Variants in HYCC2 observed in about 807,000 individuals in gnomAD.
HYCC2 encodes the protein hyccin PI4KA lipid kinase complex subunit 2.
the HYCC2 span, among the ~76,000 whole-genome samples, chr2:201,034,836 T>C: frequency 1.3e-5 from 2 of 152,092 alleles, no homozygotes; most frequent in African/African-American, 2.4e-5. Context: ...CGCTTGTCTG[T>C]ATTTTATTTC....
the HYCC2 span, among the ~76,000 whole-genome samples, chr2:201,005,704 C>T: frequency 6.6e-6 from 1 of 152,170 alleles, no homozygotes; most frequent in Non-Finnish European, 1.5e-5. Context: ...GCCAGTTTTG[C>T]TGCCAGAAAT....
chr2:201,039,029 T>A, the HYCC2 span, among the ~76,000 whole-genome samples: 1 of 152,058 alleles, frequency 6.6e-6, no homozygotes, highest in Non-Finnish European at 1.5e-5. Context: ...CCACCTTTGG[T>A]CTTTGTACCT....
At chr2:201,052,610 GAAAAAGA>G in the HYCC2 span, among the ~76,000 whole-genome samples, 1 of 151,724 alleles carries the variant, frequency 6.6e-6, no homozygotes, top group Non-Finnish European at 1.5e-5. Flanking sequence ...TGTCTCAAAA[GAAAAAGA>G]AAAAAGAAAG....
At chr2:201,055,799 G>GC in the HYCC2 span, among the ~76,000 whole-genome samples, 365 of 152,260 alleles carry the variant, frequency 2.4e-3, no homozygotes, top group Middle Eastern at 0.024. Context: ...AGTGGCTTAT[G>GC]CCTGTAATCC....
chr2:201,039,579 G>A, the HYCC2 span, among the ~76,000 whole-genome samples: 8 of 151,862 alleles, frequency 5.3e-5, no homozygotes, highest in East Asian at 5.8e-4. Context: ...TCTTTTTTTC[G>A]GTCAGGCAAT....
chr2:201,060,640 G>A, the HYCC2 span, among the ~76,000 whole-genome samples: 6 of 152,176 alleles, frequency 3.9e-5, no homozygotes, highest in South Asian at 2.1e-4. Context: ...GATCTCCTAC[G>A]TCTGAATTTT....
chr2:201,003,979 A>G, the HYCC2 span, among the ~76,000 whole-genome samples: 4 of 151,164 alleles, frequency 2.6e-5, no homozygotes, highest in Admixed American at 2.6e-4. Context: ...ACGCCCAACT[A>G]ATTTTTTGTA....
the HYCC2 span, among the ~76,000 whole-genome samples, chr2:201,062,923 T>C: frequency 6.6e-6 from 1 of 150,788 alleles, no homozygotes; most frequent in African/African-American, 2.4e-5. Flanking sequence ...AGAGGCCTAC[T>C]GAGAGGTTAG....
chr2:201,003,208 A>C, the HYCC2 span, among the ~76,000 whole-genome samples: 1 of 152,130 alleles, frequency 6.6e-6, no homozygotes, highest in Non-Finnish European at 1.5e-5. Flanking sequence ...GACCATAGGC[A>C]TGTATCACCA....
chr2:201,052,444 A>C, the HYCC2 span, among the ~76,000 whole-genome samples: 2 of 152,066 alleles, frequency 1.3e-5, no homozygotes, highest in African/African-American at 4.8e-5. Flanking sequence ...GTCTCTGCAA[A>C]AAAAATTTTA....
At chr2:201,056,291 T>G in the HYCC2 span, among the ~76,000 whole-genome samples, 1 of 152,254 alleles carries the variant, frequency 6.6e-6, no homozygotes, top group African/African-American at 2.4e-5. Context: ...AGTGTGATGC[T>G]CTGCCCATTT....
At chr2:200,989,067 G>A in the HYCC2 span, among the ~76,000 whole-genome samples, 1 of 152,204 alleles carries the variant, frequency 6.6e-6, no homozygotes, top group Non-Finnish European at 1.5e-5. Flanking sequence ...AGATGTGAAG[G>A]AAAGTTGAGT....
the HYCC2 span, chr2:201,009,326 A>C: frequency 1.4e-4 from 49 of 352,556 alleles, no homozygotes. Flanking sequence ...TCATGTAATA[A>C]ATCTATATTT....
At chr2:201,014,393 C>G in the HYCC2 span, among the ~76,000 whole-genome samples, 1 of 152,004 alleles carries the variant, frequency 6.6e-6, no homozygotes, top group Non-Finnish European at 1.5e-5. Context: ...GAATTTTATT[C>G]CTAGATCAAT....
the HYCC2 span, among the ~76,000 whole-genome samples, chr2:201,047,718 GAGTTGCTCTTCAAAAA>G: frequency 6.6e-6 from 1 of 150,604 alleles, no homozygotes; most frequent in Non-Finnish European, 1.5e-5. Context: ...AAAAAAAAAA[GAGTTGCTCTTCAAAAA>G]ACAGTAAGAC....
chr2:201,024,315 T>C, the HYCC2 span, among the ~76,000 whole-genome samples: 2 of 151,862 alleles, frequency 1.3e-5, no homozygotes, highest in East Asian at 1.9e-4. Flanking sequence ...CAGTGAGACC[T>C]TGTCTCTACT....
At chr2:201,026,040 G>A in the HYCC2 span, among the ~76,000 whole-genome samples, 5 of 152,068 alleles carry the variant, frequency 3.3e-5, no homozygotes, top group Admixed American at 2.6e-4. Context: ...AAGAGTCAAG[G>A]CCCATAAGTA....
the HYCC2 span, among the ~76,000 whole-genome samples, chr2:201,059,806 G>A: frequency 6.6e-6 from 1 of 152,114 alleles, no homozygotes; most frequent in African/African-American, 2.4e-5. Context: ...CGCACTTTGG[G>A]AGGCCGAGGC....
At chr2:201,056,188 C>A in the HYCC2 span, among the ~76,000 whole-genome samples, 2,368 of 148,012 alleles carry the variant, frequency 0.016, 72 homozygotes, top group African/African-American at 0.058. Context: ...TGCGAGACTC[C>A]GTCTCAAAAA....
Sources: allele counts gnomAD v4.1 joint callset (sites outside exome capture counted in the v4.1 genomes callset), GRCh38; gene constraint gnomAD v4.1.1; transcripts MANE v1.5; gene names NCBI Gene and HGNC (gene_info 2026-07-23, HGNC 2026-07-21).